The following THSD4 variants were observed in gnomAD, a reference collection of about 807,000 sequenced individuals.
THSD4 encodes thrombospondin type 1 domain containing 4.
Under a neutral mutation model 119.0 loss-of-function variants are expected in THSD4, and 69 were observed. The observed-to-expected ratio is 0.58, with a 90% confidence interval of 0.48 to 0.71. The LOEUF is 0.71. THSD4 is among the 30% of genes least tolerant of loss of function. The probability of loss-of-function intolerance (pLI) is 0.00; values close to 1 mark genes in which losing one functional copy is unlikely to be tolerated. For missense variants in THSD4, 1,393 were observed against 1,391.1 expected, an observed-to-expected ratio of 1.00 and a Z score of -0.02; for synonymous variants, 524 against 540.4, an observed-to-expected ratio of 0.97 and a Z score of 0.42.
At chr15:71,562,933 C>T (rs1200318661) in intron 7 of THSD4, among the ~76,000 whole-genome samples, 1 of 152,078 alleles carries the variant, frequency 6.6e-6, no homozygotes, top group Non-Finnish European at 1.5e-5. Context: ...CAACTCCTAA[C>T]CTCAGGTGAT....
Position 71,682,884 on chromosome 15 carries a change from CTTTCTTTCTTTCTTTCT to C in THSD4, c.1357+22153_1357+22169del, listed in dbSNP as rs776984847. On this transcript the variant is annotated intron_variant, in intron 8 of 17. Transcript: ENST00000261862. Reference sequence around the variant, plus strand: ...TCTTTCTTTCTTTCTTTCTTTCTTTCTTTCTTTCTTTCTTTCTTTCTTTCTTCTTCTTCTTCTTTTTT... The same window carrying C: ...TCTTTCTTTCTTTCTTTCTTTCTTTCTTCTTTCTTCTTCTTCTTCTTTTTT... Among the ~76,000 whole-genome samples, 75 of 40,170 alleles carry C rather than the reference CTTTCTTTCTTTCTTTCT, an allele frequency of 1.9e-3. 1 individual carries two copies. The highest frequency in any genetic ancestry group is 2.6e-3 in the Admixed American group (10 of 3,862). 26.4% of individuals were successfully genotyped at this position (40,170 alleles called of 152,430 possible).
At chr15:71,614,750 T>C (rs920598393) in intron 7 of THSD4, among the ~76,000 whole-genome samples, 7 of 152,174 alleles carry the variant, frequency 4.6e-5, no homozygotes, top group African/African-American at 1.7e-4. Context: ...TGAGTGGAGA[T>C]GAAGCATATG....
chr15:71,548,863 A>C (rs1039655363), intron 7 of THSD4, among the ~76,000 whole-genome samples: 6 of 152,208 alleles, frequency 3.9e-5, no homozygotes, highest in African/African-American at 4.8e-5. Context: ...TCACCGCTGC[A>C]TGCACATATG....
chr15:71,728,706 C>T lies in THSD4; in HGVS notation c.1515C>T (p.Asn505=), dbSNP rs149678789. ...GESFLAEGPT[N]EILDVYMIHQ... ...CCTTTTTGGCGGAAGGTCCCACCAA[C>T]GAGATCTTGGATGTCTACGTGAGTT... The change falls in exon 9 of 18, where the codon AAC becomes AAT. Residue 505 remains asparagine (N), a synonymous_variant. Transcript: ENST00000261862. The T allele has an allele frequency of 1.4e-4, 219 of 1,614,122 alleles. No homozygotes were observed. In the African/African-American group the frequency reaches 1.9e-3, roughly 14 times the overall value.
chr15:71,233,104 A>G (rs1470027824), intron 4 of THSD4, among the ~76,000 whole-genome samples: 10 of 152,228 alleles, frequency 6.6e-5, no homozygotes, highest in Admixed American at 5.9e-4. Context: ...GTCTGTGCTG[A>G]TCTAAAATCT....
chr15:71,296,161 G>A (rs1010972347), intron 6 of THSD4, among the ~76,000 whole-genome samples: 2 of 152,164 alleles, frequency 1.3e-5, no homozygotes, highest in African/African-American at 2.4e-5. Flanking sequence ...TTTCTCTTGC[G>A]TATATACCTA....
intron 6 of THSD4, among the ~76,000 whole-genome samples, chr15:71,319,051 T>C (rs1280454782): frequency 1.3e-5 from 2 of 152,226 alleles, no homozygotes; most frequent in Non-Finnish European, 2.9e-5. Context: ...CCAGATCTCC[T>C]GGAAGTAACA....
intron 14 of THSD4, among the ~76,000 whole-genome samples, chr15:71,754,079 C>CTTT (rs5813663): frequency 4.7e-5 from 4 of 84,328 alleles, no homozygotes; most frequent in African/African-American, 8.3e-5. Flanking sequence ...ACCTTTTATT[C>CTTT]TTTTTTTTTT....
At chr15:71,282,408 AG>A (rs1157331527) in intron 6 of THSD4, among the ~76,000 whole-genome samples, 2 of 77,146 alleles carry the variant, frequency 2.6e-5, no homozygotes, top group Non-Finnish European at 6.4e-5. Context: ...AATTTAAAAA[AG>A]GAAGAAATAG....
chr15:71,322,448 G>T (rs140618563), intron 6 of THSD4, among the ~76,000 whole-genome samples: 2 of 152,274 alleles, frequency 1.3e-5, no homozygotes, highest in Admixed American at 1.3e-4. Flanking sequence ...TGTCTATTTG[G>T]CCTGATACGG....
At chr15:71,097,507 C>G (rs1334227593) in intron 1 of THSD4, among the ~76,000 whole-genome samples, 1 of 150,714 alleles carries the variant, frequency 6.6e-6, no homozygotes, top group African/African-American at 2.4e-5. Context: ...TCAAGGTTGC[C>G]GTCAGCCAAG....
At chr15:71,746,260 T>C (rs2053334214) in intron 12 of THSD4, among the ~76,000 whole-genome samples, 1 of 152,108 alleles carries the variant, frequency 6.6e-6, no homozygotes, top group Non-Finnish European at 1.5e-5. Context: ...ATAAAAATCA[T>C]TTGTACGTTT....
chr15:71,732,502 A>T (rs1242598372), intron 10 of THSD4: 1 of 152,076 alleles, frequency 6.6e-6, no homozygotes, highest in Non-Finnish European at 1.5e-5. Flanking sequence ...CCTTCCTTAA[A>T]ATAGGAAGGT....
At chr15:71,381,172 G>A (rs55940121) in intron 6 of THSD4, among the ~76,000 whole-genome samples, 28,458 of 152,014 alleles carry the variant, frequency 0.19, 2,669 homozygotes, top group South Asian at 0.23. Context: ...CTTGTAATAA[G>A]GGAAACTTTA....
At chr15:71,345,471 C>A (rs1171512036) in intron 6 of THSD4, among the ~76,000 whole-genome samples, 1 of 152,126 alleles carries the variant, frequency 6.6e-6, no homozygotes, top group African/African-American at 2.4e-5. Context: ...TTTTTTTTAA[C>A]TTAAACCAAT....
chr15:71,642,504 T>C (rs999297862), intron 7 of THSD4, among the ~76,000 whole-genome samples: 1 of 152,150 alleles, frequency 6.6e-6, no homozygotes, highest in Non-Finnish European at 1.5e-5. Context: ...TGCACACGTA[T>C]GTTTATTGTG....
intron 8 of THSD4, among the ~76,000 whole-genome samples, chr15:71,683,952 C>T (rs8025638): frequency 0.58 from 88,659 of 151,988 alleles, 28,522 homozygotes; most frequent in Non-Finnish European, 0.73. Context: ...CTAGCCTGGA[C>T]GACAGAGCAA....
intron 7 of THSD4, among the ~76,000 whole-genome samples, chr15:71,614,499 C>T (rs932528918): frequency 1.1e-4 from 17 of 152,282 alleles, no homozygotes; most frequent in African/African-American, 3.4e-4. Flanking sequence ...CACCTATCCC[C>T]GATGACCTAA....
At chr15:71,547,167 C>T in intron 7 of THSD4, 1 of 1,304,024 alleles carries the variant, frequency 7.7e-7, no homozygotes, top group Non-Finnish European at 9.7e-7. Flanking sequence ...CAGCTCCCAG[C>T]TGGCTCCTGT....
Sources: gnomAD v4.1 joint callset for allele counts (sites outside exome capture counted in the v4.1 genomes callset) on GRCh38, gnomAD v4.1.1 for gene constraint, MANE v1.5 for transcripts, NCBI Gene and HGNC (gene_info 2026-07-23, HGNC 2026-07-21) for gene names.